Variants in PLEKHA4 observed in about 807,000 individuals in gnomAD.
The protein encoded by PLEKHA4 is pleckstrin homology domain-containing family A member 4.
In PLEKHA4, 73 loss-of-function variants were observed where a neutral mutation model predicts 94.7. The ratio of observed to expected loss-of-function variants is 0.77; its 90% CI spans 0.64 to 0.94. PLEKHA4 has a LOEUF of 0.94. PLEKHA4 is among the 40% of genes least tolerant of loss of function. The pLI, the probability that PLEKHA4 is intolerant of heterozygous loss-of-function variation, is 0.00. For missense variants in PLEKHA4, 1,049 were observed against 1,054.1 expected, an observed-to-expected ratio of 1.00 and a Z score of 0.07; for synonymous variants, 449 against 437.1, an observed-to-expected ratio of 1.03 and a Z score of -0.34.
chr19:48,840,875 A>G (rs1335882499), intron 17 of PLEKHA4, among the ~76,000 whole-genome samples: 1 of 152,014 alleles, frequency 6.6e-6, no homozygotes. Context: ...TGCTATTGAC[A>G]ACACATAGCA....
rs1233929848 is a variant in PLEKHA4 at position 48,841,216 on chromosome 19, G to A, written c.1838C>T (p.Ser613Phe). The A allele has an allele frequency of 4.3e-6, 7 of 1,613,162 alleles. No individual in the cohort carries two copies. The highest frequency in any genetic ancestry group is 1.6e-4 in the Middle Eastern group (1 of 6,074). ...ECGRPFPRPT[S>F]PRLLTLGRTL... is the part of the protein sequence containing the mutation. ...CCTTCCCAGGGTGAGAAGCCGGGGG[G>A]AGGTCGGGCGAGGGAAGGGCCGTCC... is the stretch of plus-strand genomic sequence containing the variant. Residue 613 changes from serine (S) to phenylalanine (F), a missense_variant, in exon 17 of 20, where the codon TCC becomes TTC. By Grantham distance (155) the Ser-to-Phe change is radical. Transcript: ENST00000263265.
chr19:48,845,441 C>T lies in PLEKHA4; in HGVS notation c.1672G>A (p.Gly558Arg), dbSNP rs764831677. The T allele has an allele frequency of 6.2e-7, 1 of 1,614,010 alleles. No individual in the cohort carries two copies. Among genetic ancestry groups the T allele is most frequent in the Admixed American group, 1.7e-5 (1 of 60,000 alleles). ...GAAGCCCGGGAGACCCTCGGAGACC[C>T]AAGACCTGGAAAGACAGAACGGGAC... ...KDLASPHLGL[G>R]SPRVSRASSP... The change falls in exon 16 of 20, where the codon GGG (glycine) becomes AGG (arginine). Residue 558 changes from glycine to arginine, a missense_variant. Physicochemically the swap from Gly to Arg is moderately radical, Grantham distance 125. Coordinates refer to ENST00000263265, the MANE Select transcript of PLEKHA4 (RefSeq NM_020904.3).
At chr19:48,860,567 C>T (rs558658301) in intron 5 of PLEKHA4, 108 bp from the exon 6 acceptor site, 2 of 786,988 alleles carry the variant, frequency 2.5e-6, no homozygotes, top group Non-Finnish European at 4.3e-6. Flanking sequence ...GAGGCCGATG[C>T]GGGAGGATGG....
At chr19:48,848,279 G>A (rs888594114) in intron 13 of PLEKHA4, among the ~76,000 whole-genome samples, 7 of 147,574 alleles carry the variant, frequency 4.7e-5, no homozygotes. Flanking sequence ...GAGGTCAGGA[G>A]ATCGAGACCA....
At chr19:48,844,430 C>T in intron 16 of PLEKHA4, 1 of 983,996 alleles carries the variant, frequency 1.0e-6, no homozygotes, top group Admixed American at 6.2e-5. Context: ...GCTGGGATTA[C>T]AGGTACGAGC....
In PLEKHA4 at chr19:48,839,204, C is replaced by T. The variant is rs751739914; in HGVS notation, c.1964+1G>A. 2 of 1,585,066 alleles carry T rather than the reference C, an allele frequency of 1.3e-6. No individual in the cohort carries two copies. Among genetic ancestry groups the T allele is most frequent in the African/African-American group, 1.4e-5 (1 of 73,928 alleles). Reference sequence around the variant, plus strand: ...CCTTGATACGCCCTCCAGTTCCTTACCTACTCCAGGACCCAGAGCTTCTGA... The same window carrying T: ...CCTTGATACGCCCTCCAGTTCCTTATCTACTCCAGGACCCAGAGCTTCTGA... On this transcript the variant is annotated splice_donor_variant, in intron 18 of 19. Coordinates refer to ENST00000263265, the MANE Select transcript of PLEKHA4 (RefSeq NM_020904.3). LOFTEE classifies it high-confidence loss of function.
intron 18 of PLEKHA4, among the ~76,000 whole-genome samples, chr19:48,838,540 G>A (rs1325730557): frequency 6.6e-6 from 1 of 150,770 alleles, no homozygotes; most frequent in Non-Finnish European, 1.5e-5. Context: ...GAGGCGGGCG[G>A]ATCACTTGAG....
At position 48,841,320 on chromosome 19, in the gene PLEKHA4, C is replaced by A. The variant is rs114056410; in HGVS notation, c.1744-10G>T. ...GCCGGGCCACCGGGGCCTAGGGAGGCGAGAAACGTCCCAAGACCCAACCTT... is the reference window on the plus strand; with the variant it reads ...GCCGGGCCACCGGGGCCTAGGGAGGAGAGAAACGTCCCAAGACCCAACCTT... On this transcript the variant is annotated splice_polypyrimidine_tract_variant and intron_variant, in intron 16 of 19. Coordinates refer to ENST00000263265, the MANE Select transcript of PLEKHA4 (RefSeq NM_020904.3). 3 of 1,595,408 alleles carry A rather than the reference C, an allele frequency of 1.9e-6. No homozygotes were observed. Among genetic ancestry groups the A allele is most frequent in the East Asian group, 2.2e-5 (1 of 44,706 alleles).
In PLEKHA4 at chr19:48,865,737, G is replaced by A. The variant is rs143787229; in HGVS notation, c.85-127C>T. On this transcript the variant is annotated intron_variant, in intron 2 of 19. Coordinates refer to ENST00000263265, the MANE Select transcript of PLEKHA4 (RefSeq NM_020904.3). Reference sequence around the variant, plus strand: ...CTGAGAAATGGGTCAAGGACCAGCCGGGCGCAGTGGCTCACACCTGTAATC... The same window carrying A: ...CTGAGAAATGGGTCAAGGACCAGCCAGGCGCAGTGGCTCACACCTGTAATC... 1.2e-3 allele frequency: 721 copies of A among 615,986 alleles called. 2 individuals are homozygous for A. Among genetic ancestry groups the A allele is most frequent in the African/African-American group, 0.011 (607 of 53,638 alleles). 38.2% of individuals were successfully genotyped at this position (615,986 alleles called of 1,614,324 possible).
chr19:48,841,201 G>T lies in PLEKHA4; in HGVS notation c.1853C>A (p.Thr618Asn), dbSNP rs2035751248. The change falls in exon 17 of 20, where the codon ACC becomes AAC. Residue 618 changes from threonine (T) to asparagine (N), a missense_variant. By Grantham distance (65) the Thr-to-Asn change is moderately conservative. Transcript: ENST00000263265. ...GGCTGGGGACAGTGTCCTTCCCAGG[G>T]TGAGAAGCCGGGGGGAGGTCGGGCG... ...FPRPTSPRLL[T>N]LGRTLSPARR... The T allele has an allele frequency of 6.2e-7, 1 of 1,612,948 alleles. No homozygotes were observed. Among genetic ancestry groups the T allele is most frequent in the Non-Finnish European group, 8.5e-7 (1 of 1,179,616 alleles).
intron 18 of PLEKHA4, 157 bp from the exon 19 acceptor site, chr19:48,838,286 ATAAAT>A: frequency 3.9e-6 from 2 of 514,626 alleles, no homozygotes; most frequent in Non-Finnish European, 7.1e-6. Flanking sequence ...ACATTTTTAA[ATAAAT>A]TAAAGGGTGT....
chr19:48,841,160 C>G lies in PLEKHA4; in HGVS notation c.1894G>C (p.Val632Leu), dbSNP rs199595436. Residue 632 changes from valine to leucine, a missense_variant, in exon 17 of 20, where the codon GTG (valine) becomes CTG (leucine). Coordinates refer to ENST00000263265, the MANE Select transcript of PLEKHA4 (RefSeq NM_020904.3). ...TLSPARRQPD[V>L]EQRPVVGHSG... ...CCTCCTCCCCTCACCCTTTGCTCCACGTCAGGCTGGCGTCTGGCTGGGGAC... is the reference window on the plus strand; with the variant it reads ...CCTCCTCCCCTCACCCTTTGCTCCAGGTCAGGCTGGCGTCTGGCTGGGGAC... The G allele has an allele frequency of 1.2e-4, 199 of 1,609,896 alleles. No homozygotes were observed. The African/African-American group carries it at 2.3e-3, about 19-fold the overall frequency.
chr19:48,853,573 A>C (rs2036285056), intron 12 of PLEKHA4, 109 bp downstream of exon 12: 20 of 1,142,606 alleles, frequency 1.8e-5, no homozygotes, highest in Non-Finnish European at 2.2e-5. Flanking sequence ...TGGAGTGTAG[A>C]CTTCTGAAGA....
At position 48,858,939 on chromosome 19, in the gene PLEKHA4, C is replaced by T. The variant is rs1281293627; in HGVS notation, c.893G>A (p.Arg298His). 1 of 1,597,676 alleles carries T rather than the reference C, an allele frequency of 6.3e-7. No individual in the cohort carries two copies. Among genetic ancestry groups the T allele is most frequent in the South Asian group, 1.1e-5 (1 of 89,188 alleles). ...RQTLSRPPTP[R>H]RGPPSEAGGG... Reference sequence around the variant, plus strand: ...CCCAGCCTCAGAGGGAGGTCCTCGGCGGGGAGTAGGGGGTCGGGAGAGGGT... The same window carrying T: ...CCCAGCCTCAGAGGGAGGTCCTCGGTGGGGAGTAGGGGGTCGGGAGAGGGT... The change falls in exon 8 of 20, where the codon CGC becomes CAC. Residue 298 changes from arginine (R) to histidine (H), a missense_variant. By Grantham distance (29) the Arg-to-His change is conservative. Coordinates refer to ENST00000263265, the MANE Select transcript of PLEKHA4 (RefSeq NM_020904.3).
chr19:48,863,028 T>C (rs1466862889), intron 3 of PLEKHA4, among the ~76,000 whole-genome samples: 6 of 152,158 alleles, frequency 3.9e-5, no homozygotes, highest in Non-Finnish European at 8.8e-5. Context: ...ATGACCCAAA[T>C]GCAGCGTCTC....
intron 13 of PLEKHA4, among the ~76,000 whole-genome samples, chr19:48,850,996 C>T (rs144656058): frequency 8.6e-4 from 130 of 151,588 alleles, no homozygotes; most frequent in Middle Eastern, 6.8e-3. Context: ...GAAAAATTAA[C>T]CGGGCATGGT....
intron 8 of PLEKHA4, among the ~76,000 whole-genome samples, chr19:48,858,406 G>A (rs73061632): frequency 0.12 from 17,616 of 152,002 alleles, 1,432 homozygotes; most frequent in Non-Finnish European, 0.17. Flanking sequence ...CAGATCACCT[G>A]TCAGCTGGTC....
Position 48,837,235 on chromosome 19 carries a change from C to T in PLEKHA4, c.*54G>A. ...GCCCTGAGTGGTCCCAGATCTCCGG[C>T]GGTACCTCCAGACCACGTCCTCGCG... On this transcript the variant is annotated 3_prime_UTR_variant, in exon 20 of 20. Transcript: ENST00000263265. This position sits in a 1 kb window ranked among gnomAD's most constrained non-coding sequence, Gnocchi z 4.3. 1 of 1,612,994 alleles carries T rather than the reference C, an allele frequency of 6.2e-7. No individual in the cohort carries two copies. The highest frequency in any genetic ancestry group is 2.2e-5 in the East Asian group (1 of 44,868).
intron 16 of PLEKHA4, among the ~76,000 whole-genome samples, chr19:48,842,880 T>A (rs554163737): frequency 1.3e-5 from 2 of 152,218 alleles, no homozygotes; most frequent in African/African-American, 2.4e-5. Context: ...TCCTGTGTGC[T>A]ACTGCCATCT....
Sources: allele counts gnomAD v4.1 joint callset (sites outside exome capture counted in the v4.1 genomes callset), GRCh38; gene constraint gnomAD v4.1.1; non-coding constraint Gnocchi (gnomAD v3.1); transcripts MANE v1.5; gene names NCBI Gene and HGNC (gene_info 2026-07-23, HGNC 2026-07-21).